Variants in SPPL2B observed in about 807,000 individuals in gnomAD.
SPPL2B encodes signal peptide peptidase-like 2B.
SPPL2B carries 39 observed loss-of-function variants against 59.7 expected under a neutral mutation model. The observed-to-expected ratio is 0.65, with a 90% CI of 0.51 to 0.85. The LOEUF (loss-of-function observed/expected upper bound fraction) is 0.85. Among genes scored for constraint, SPPL2B ranks in the 40% least tolerant of loss-of-function variants. The pLI is 0.00. For missense variants in SPPL2B, 865 were observed against 849.0 expected (o/e 1.02, Z -0.23); for synonymous variants, 419 against 370.8 (o/e 1.13, Z -1.49).
chr19:2,329,260 C>T (rs1968156538), intron 1 of SPPL2B, among the ~76,000 whole-genome samples: 1 of 152,228 alleles, frequency 6.6e-6, no homozygotes, highest in Non-Finnish European at 1.5e-5. Flanking sequence ...CTGGCAGCAT[C>T]CTGGAGCGGC....
chr19:2,334,905 A>G (rs1049016582), intron 2 of SPPL2B, among the ~76,000 whole-genome samples, 184 bp downstream of exon 2: 6 of 152,126 alleles, frequency 3.9e-5, no homozygotes, highest in East Asian at 1.9e-4. Context: ...CATCAATGCA[A>G]GCTGTCCATG....
rs369818692 is a variant in SPPL2B at position 2,351,546 on chromosome 19, G to A, written c.1467G>A (p.Ala489=). The change falls in exon 14 of 15, where the codon GCG becomes GCA. Residue 489 remains alanine (A), a synonymous_variant. Transcript: ENST00000613503. ...PCTLVTSCAV[A]LWRRELGVFW... Reference sequence around the variant, plus strand: ...CGCTGGTGACGAGCTGCGCTGTGGCGCTCTGGCGCCGGGAGCTGGGCGTGT... The same window carrying A: ...CGCTGGTGACGAGCTGCGCTGTGGCACTCTGGCGCCGGGAGCTGGGCGTGT... The A allele has an allele frequency of 8.7e-6, 14 of 1,611,162 alleles. No individual in the cohort carries two copies. The highest frequency in any genetic ancestry group is 3.3e-5 in the South Asian group (3 of 91,038).
chr19:2,334,684 C>G lies in SPPL2B; in HGVS notation c.149C>G (p.Pro50Arg). 1 of 1,612,344 alleles carries G rather than the reference C, an allele frequency of 6.2e-7. No homozygotes were observed. The highest frequency in any genetic ancestry group is 8.5e-7 in the Non-Finnish European group (1 of 1,179,120). ...EGKDYCILYN[P>R]QWAHLPHDLS... ...AAAGACTACTGCATCCTCTACAACC[C>G]GCAGTGGGCCCATCTTCCGCACGAC... The change falls in exon 2 of 15, where the codon CCG becomes CGG. Residue 50 changes from proline to arginine, a missense_variant. Pro to Arg is a moderately radical substitution (Grantham distance 103). Transcript: ENST00000613503.
In SPPL2B at chr19:2,353,140, C is replaced by T; in HGVS notation, c.1710C>T (p.Ser570=). The change falls in exon 15 of 15, where the codon AGC becomes AGT. Residue 570 remains serine (S), a synonymous_variant. Transcript: ENST00000613503. ...GAGAPMREPG[S]PAESEGRDQA... ...GAGCCCCCATGCGGGAGCCTGGGAGCCCAGCTGAATCCGAGGGCCGGGACC... is the reference window on the plus strand; with the variant it reads ...GAGCCCCCATGCGGGAGCCTGGGAGTCCAGCTGAATCCGAGGGCCGGGACC... 1 of 1,610,834 alleles carries T rather than the reference C, an allele frequency of 6.2e-7. No homozygotes were observed. The highest frequency in any genetic ancestry group is 8.5e-7 in the Non-Finnish European group (1 of 1,179,338).
chr19:2,337,667 C>A, intron 3 of SPPL2B, 42 bp downstream of exon 3: 1 of 1,497,044 alleles, frequency 6.7e-7, no homozygotes, highest in South Asian at 1.3e-5. Flanking sequence ...CTCTCAGGGG[C>A]AGGAGGGGGG....
Position 2,354,161 on chromosome 19 carries a change from T to C in SPPL2B, c.*952T>C, listed in dbSNP as rs550278623. On this transcript the variant is annotated 3_prime_UTR_variant, in exon 15 of 15. Transcript: ENST00000613503. ...GGGGCTTGGGCCTCGGTTCTCCCTG[T>C]GGCAGCGGCATTGGTGCCTGGGTTC... 2 of 152,366 alleles carry C rather than the reference T, an allele frequency of 1.3e-5. No homozygotes were observed. The highest frequency in any genetic ancestry group is 4.1e-4 in the South Asian group (2 of 4,830). 9.4% of individuals were successfully genotyped at this position (152,366 alleles called of 1,614,324 possible).
rs983541821 is a variant in SPPL2B, at chr19:2,340,153, C to T, written c.820C>T (p.Leu274=). The T allele has an allele frequency of 1.3e-6, 2 of 1,575,886 alleles. No individual in the cohort carries two copies. The highest frequency in any genetic ancestry group is 1.7e-4 in the Middle Eastern group (1 of 5,958). ...CTGCCTGGCGCCCTGTGTGCGGCGG[C>T]TGCCCTTCGGCAAGTGCAGGTGAGT... ...YSCLAPCVRR[L]PFGKCRIPNN... The change falls in exon 7 of 15, where the codon CTG becomes TTG. Residue 274 remains leucine, a synonymous_variant. Coordinates refer to ENST00000613503, the MANE Select transcript of SPPL2B (RefSeq NM_152988.3).
At chr19:2,331,414 C>T (rs968951842) in intron 1 of SPPL2B, among the ~76,000 whole-genome samples, 6 of 152,188 alleles carry the variant, frequency 3.9e-5, no homozygotes, top group Non-Finnish European at 8.8e-5. Flanking sequence ...TGAGCTTTTT[C>T]TGCTCCTCCA....
intron 14 of SPPL2B, among the ~76,000 whole-genome samples, chr19:2,351,815 CG>C (rs1293431607): frequency 3.9e-5 from 4 of 101,706 alleles, no homozygotes; most frequent in Non-Finnish European, 6.3e-5. Context: ...AGGTGGGGCC[CG>C]GGGGTGCCGG....
chr19:2,340,554 G>T (rs1285573636), intron 7 of SPPL2B: 1 of 568,818 alleles, frequency 1.8e-6, no homozygotes, highest in East Asian at 3.4e-5. Flanking sequence ...GTCAGACCTG[G>T]GTCTAGGAAG....
At chr19:2,337,783 T>C in intron 3 of SPPL2B, 158 bp downstream of exon 3, 1 of 745,524 alleles carries the variant, frequency 1.3e-6, no homozygotes. Flanking sequence ...ATGGGGAGGA[T>C]CCGGGCCGAG....
intron 1 of SPPL2B, among the ~76,000 whole-genome samples, chr19:2,333,651 C>T (rs1302423652): frequency 3.3e-5 from 5 of 152,230 alleles, no homozygotes; most frequent in African/African-American, 2.4e-5. Context: ...GGCCCCAGCC[C>T]GTTCTGTCCT....
Position 2,337,458 on chromosome 19 carries a change from C to A in SPPL2B, c.202C>A (p.Arg68Ser). Reference sequence around the variant, plus strand: ...GCCTTTCCAGTCTTTCCTGCAGCTGCGCAACTGGACGGCCTCCCTGCTCTG... The same window carrying A: ...GCCTTTCCAGTCTTTCCTGCAGCTGAGCAACTGGACGGCCTCCCTGCTCTG... Reference protein sequence around the residue: ...DLSKASFLQLRNWTASLLCSA... With the variant: ...DLSKASFLQLSNWTASLLCSA... The change falls in exon 3 of 15, where the codon CGC becomes AGC. Residue 68 changes from arginine (R) to serine (S), a missense_variant. Transcript: ENST00000613503. 1.2e-6 allele frequency: 2 copies of A among 1,605,048 alleles called. No homozygotes were observed. The highest frequency in any genetic ancestry group is 1.7e-6 in the Non-Finnish European group (2 of 1,174,602).
At chr19:2,351,284 G>A in intron 13 of SPPL2B, 150 bp from the exon 14 acceptor site, 1 of 645,726 alleles carries the variant, frequency 1.5e-6, no homozygotes. Flanking sequence ...TGGGGAGCCT[G>A]TGGCCCTGCC....
At chr19:2,335,595 A>ACCCCTCTGTCCCTGCCTCCTT (rs1262090059) in intron 2 of SPPL2B, among the ~76,000 whole-genome samples, 37 of 126,108 alleles carry the variant, frequency 2.9e-4, no homozygotes, top group African/African-American at 1.1e-3. Context: ...TTCCCACCAC[A>ACCCCTCTGTCCCTGCCTCCTT]CCCCTCTGTC....
chr19:2,349,902 G>A (rs1969798232), intron 13 of SPPL2B, among the ~76,000 whole-genome samples: 2 of 126,270 alleles, frequency 1.6e-5, no homozygotes, highest in South Asian at 5.3e-4. Context: ...GCCCTCATTC[G>A]CTTGATTCCA....
intron 1 of SPPL2B, among the ~76,000 whole-genome samples, chr19:2,330,131 C>CG: frequency 7.0e-6 from 1 of 143,410 alleles, no homozygotes; most frequent in South Asian, 2.2e-4. Context: ...TTTTTTGAGA[C>CG]GGAGTCTCGC....
In SPPL2B at chr19:2,354,168, G is replaced by A. The variant is rs1304198148; in HGVS notation, c.*959G>A. 6.6e-6 allele frequency: 1 copy of A among 152,230 alleles called. No homozygotes were observed. The highest frequency in any genetic ancestry group is 1.5e-5 in the Non-Finnish European group (1 of 68,080). 9.4% of individuals were successfully genotyped at this position (152,230 alleles called of 1,614,324 possible). ...GGGCCTCGGTTCTCCCTGTGGCAGC[G>A]GCATTGGTGCCTGGGTTCTTAACCC... On this transcript the variant is annotated 3_prime_UTR_variant, in exon 15 of 15. Coordinates refer to ENST00000613503, the MANE Select transcript of SPPL2B (RefSeq NM_152988.3).
Position 2,344,535 on chromosome 19 carries a change from CT to C in SPPL2B, c.1177-17del. 6.2e-7 allele frequency: 1 copy of C among 1,606,170 alleles called. No individual in the cohort carries two copies. The highest frequency in any genetic ancestry group is 1.1e-5 in the South Asian group (1 of 90,610). On this transcript the variant is annotated splice_polypyrimidine_tract_variant and intron_variant, in intron 11 of 14. Transcript: ENST00000613503. ...GGTGAGGGTCCTGGAGGACATTGTC[CT>C]CTTCCCGTCTTTGCAGCTGCCCATG...
Sources: gnomAD v4.1 joint callset for allele counts (sites outside exome capture counted in the v4.1 genomes callset) on GRCh38, gnomAD v4.1.1 for gene constraint, MANE v1.5 for transcripts, NCBI Gene and HGNC (gene_info 2026-07-23, HGNC 2026-07-21) for gene names.